TMEM87A: variants seen among roughly 807,000 people sequenced by gnomAD.
TMEM87A encodes the protein Golgi-pH regulating cation channel.
TMEM87A carries 50 observed loss-of-function variants against 90.0 expected under a neutral mutation model. The ratio of observed to expected loss-of-function variants is 0.56; its 90% CI spans 0.44 to 0.70. The LOEUF is 0.70. Among genes scored for constraint, TMEM87A ranks in the 30% least tolerant of loss-of-function variants. The pLI is 0.00. For missense variants in TMEM87A, 577 were observed against 660.5 expected, an observed-to-expected ratio of 0.87 and a Z score of 1.39; for synonymous variants, 226 against 226.7, an observed-to-expected ratio of 1.00 and a Z score of 0.03.
chr15:42,265,467 CTT>C (rs902506803), intron 3 of TMEM87A, among the ~76,000 whole-genome samples: 1 of 146,952 alleles, frequency 6.8e-6, no homozygotes, highest in Non-Finnish European at 1.5e-5. Flanking sequence ...CGATACTGAG[CTT>C]TTTTTTTTTC....
intron 6 of TMEM87A, among the ~76,000 whole-genome samples, chr15:42,246,299 G>A (rs1310641061): frequency 1.3e-5 from 2 of 151,788 alleles, no homozygotes; most frequent in Non-Finnish European, 2.9e-5. Flanking sequence ...CCCAAGTTTT[G>A]TTGTTTTTTT....
At chr15:42,227,051 GTAA>G in intron 14 of TMEM87A, 142 bp from the exon 15 acceptor site, 3 of 719,308 alleles carry the variant, frequency 4.2e-6, no homozygotes, top group Non-Finnish European at 6.8e-6. Context: ...CAGTACTGTG[GTAA>G]GTGTGGGGAA....
intron 6 of TMEM87A, 105 bp downstream of exon 6, chr15:42,260,852 CT>C (rs2140978602): frequency 7.9e-7 from 1 of 1,271,686 alleles, no homozygotes; most frequent in Admixed American, 2.4e-5. Flanking sequence ...CCAGATTTAA[CT>C]TTCTTTTCAA....
intron 4 of TMEM87A, among the ~76,000 whole-genome samples, chr15:42,262,496 C>T (rs2412676): frequency 0.96 from 144,576 of 150,152 alleles, 69,789 homozygotes; most frequent in Non-Finnish European, 1. Flanking sequence ...CTGGAGTGCA[C>T]TGACACTATC....
chr15:42,241,489 T>A (rs1029484384), intron 7 of TMEM87A, among the ~76,000 whole-genome samples: 3 of 152,172 alleles, frequency 2.0e-5, no homozygotes, highest in Non-Finnish European at 4.4e-5. Flanking sequence ...TAATACCATA[T>A]AGTAGTGGTG....
In TMEM87A at chr15:42,258,748, A is replaced by C. The variant is rs1230048626; in HGVS notation, c.504+2210T>G. The C allele has an allele frequency of 1.1e-5, 15 of 1,411,330 alleles. No individual in the cohort carries two copies. The African/African-American group carries it at 2.0e-4, about 19-fold the overall frequency. The allele number at this position is 1,411,330 out of a possible 1,614,324, so 87.4% of individuals were successfully genotyped here. The stretch of plus-strand genomic sequence containing the variant: ...AGTCCTAATGGCTATCTTTTGTTTA[A>C]AAAAATTAACAAAGACTGTCATGCC... On this transcript the variant is annotated intron_variant, in intron 6 of 19. Coordinates refer to ENST00000389834, the MANE Select transcript of TMEM87A (RefSeq NM_015497.5).
chr15:42,269,727 G>A (rs1489626860), intron 2 of TMEM87A, among the ~76,000 whole-genome samples: 2 of 151,532 alleles, frequency 1.3e-5, no homozygotes, highest in South Asian at 4.2e-4. Flanking sequence ...ATGAGGTCAG[G>A]AGATCGAGAC....
In TMEM87A at chr15:42,267,913, G is replaced by A. The variant is rs1428366498; in HGVS notation, c.291+34C>T. ...AGACTGGAACCAGATAATCACTAAG[G>A]TCCAAAAAAACTCTGTAATTTTATG... On this transcript the variant is annotated intron_variant, in intron 3 of 19. Coordinates refer to ENST00000389834, the MANE Select transcript of TMEM87A (RefSeq NM_015497.5). 2.6e-6 allele frequency: 4 copies of A among 1,550,282 alleles called. No individual in the cohort carries two copies. The South Asian group carries it at 4.6e-5, about 18-fold the overall frequency.
intron 1 of TMEM87A, chr15:42,272,868 G>A (rs1240261754): frequency 4.4e-6 from 2 of 451,368 alleles, no homozygotes; most frequent in East Asian, 6.8e-5. Context: ...AAGAAAGAAA[G>A]AAATGAAGAC....
At chr15:42,231,772 CAGG>C in intron 11 of TMEM87A, 3 of 669,040 alleles carry the variant, frequency 4.5e-6, no homozygotes. Context: ...TGCATGTTTC[CAGG>C]AGTTTATATA....
intron 12 of TMEM87A, 133 bp from the exon 13 acceptor site, chr15:42,228,953 T>C (rs2050642814): frequency 1.7e-6 from 1 of 577,094 alleles, no homozygotes; most frequent in Admixed American, 3.4e-5. Flanking sequence ...AGCTCTCTTA[T>C]TCTCACTTAA....
intron 13 of TMEM87A, 119 bp downstream of exon 13, chr15:42,228,593 G>A: frequency 1.3e-6 from 1 of 777,230 alleles, no homozygotes; most frequent in Non-Finnish European, 2.2e-6. Context: ...CAAGAGCTAA[G>A]AACCCTTTTC....
chr15:42,255,628 T>A (rs369964936), intron 6 of TMEM87A, among the ~76,000 whole-genome samples: 1 of 152,176 alleles, frequency 6.6e-6, no homozygotes, highest in Non-Finnish European at 1.5e-5. Flanking sequence ...CTCTATTAAT[T>A]TTTTTAAATT....
At chr15:42,231,316 A>G in intron 11 of TMEM87A, 56 bp from the exon 12 acceptor site, 1 of 1,396,704 alleles carries the variant, frequency 7.2e-7, no homozygotes, top group Admixed American at 2.6e-5. Flanking sequence ...GGCACAGAGA[A>G]GAAACCACCA....
chr15:42,267,839 G>T, intron 3 of TMEM87A, 108 bp downstream of exon 3: 1 of 804,016 alleles, frequency 1.2e-6, no homozygotes, highest in Non-Finnish European at 1.9e-6. Flanking sequence ...TCTAGTTTCA[G>T]CTCTCCTCCT....
At chr15:42,245,545 G>A (rs1414423282) in intron 6 of TMEM87A, among the ~76,000 whole-genome samples, 1 of 122,050 alleles carries the variant, frequency 8.2e-6, no homozygotes, top group Non-Finnish European at 1.6e-5. Flanking sequence ...TTTTTTTTGA[G>A]GCAGAGTCTC....
At chr15:42,255,343 G>C (rs556718709) in intron 6 of TMEM87A, among the ~76,000 whole-genome samples, 1 of 152,274 alleles carries the variant, frequency 6.6e-6, no homozygotes, top group South Asian at 2.1e-4. Context: ...CGTTGGTCAG[G>C]TTGGTCTTGA....
chr15:42,258,210 A>G (rs1357878379), intron 6 of TMEM87A: 8 of 949,880 alleles, frequency 8.4e-6, no homozygotes, highest in Non-Finnish European at 1.0e-5. Context: ...CGACATGTCC[A>G]TGTTATATTG....
chr15:42,231,148 G>A, intron 12 of TMEM87A, 44 bp downstream of exon 12: 3 of 1,539,724 alleles, frequency 1.9e-6, no homozygotes, highest in Non-Finnish European at 2.6e-6. Flanking sequence ...CCATCTCAAG[G>A]GGAGAAAATG....
Sources: gnomAD v4.1 joint callset for allele counts (sites outside exome capture counted in the v4.1 genomes callset) on GRCh38, gnomAD v4.1.1 for gene constraint, MANE v1.5 for transcripts, NCBI Gene and HGNC (gene_info 2026-07-23, HGNC 2026-07-21) for gene names.